ITPR1: variants seen among roughly 807,000 people sequenced by gnomAD.
ITPR1 encodes inositol 1,4,5-trisphosphate receptor type 1, also known as inositol 1,4,5-trisphosphate-gated calcium channel ITPR1.
ITPR1 carries 96 observed loss-of-function variants against 318.4 expected under a neutral mutation model. The ratio of observed to expected loss-of-function variants is 0.30; its 90% CI spans 0.26 to 0.36. The LOEUF is 0.36. Among genes scored for constraint, ITPR1 ranks in the 10% least tolerant of loss-of-function variants. The pLI is 1.00. For missense variants in ITPR1, 2,440 were observed against 3,460.2 expected (o/e 0.71, Z 7.40); for synonymous variants, 1,312 against 1,289.9 (o/e 1.02, Z -0.37).
chr3:4,607,919 T>C (rs1041357572), intron 4 of ITPR1, among the ~76,000 whole-genome samples: 2 of 152,136 alleles, frequency 1.3e-5, no homozygotes, highest in Admixed American at 6.5e-5. Flanking sequence ...TGGCTGCCAA[T>C]TGATTATGTC....
intron 4 of ITPR1, among the ~76,000 whole-genome samples, chr3:4,541,183 A>G (rs1489116564): frequency 4.6e-5 from 7 of 152,206 alleles, no homozygotes; most frequent in African/African-American, 1.7e-4. Flanking sequence ...GTCATTAAAA[A>G]AATTAACTTA....
chr3:4,723,841 A>G (rs2042327563), intron 40 of ITPR1, among the ~76,000 whole-genome samples: 1 of 152,048 alleles, frequency 6.6e-6, no homozygotes, highest in Non-Finnish European at 1.5e-5. Flanking sequence ...GTAGAATATA[A>G]TACTTCTGTC....
intron 4 of ITPR1, among the ~76,000 whole-genome samples, chr3:4,606,788 G>T (rs2091736754): frequency 6.6e-6 from 1 of 152,092 alleles, no homozygotes; most frequent in African/African-American, 2.4e-5. Flanking sequence ...CAGCTTTCAG[G>T]TTAATTTTTT....
intron 60 of ITPR1, among the ~76,000 whole-genome samples, chr3:4,835,104 C>A (rs1178852678): frequency 6.6e-6 from 1 of 152,158 alleles, no homozygotes; most frequent in Non-Finnish European, 1.5e-5. Flanking sequence ...AAACTAGTGA[C>A]TGTGACCCTG....
intron 4 of ITPR1, among the ~76,000 whole-genome samples, chr3:4,525,321 G>A (rs2124937759): frequency 6.6e-6 from 1 of 152,320 alleles, no homozygotes; most frequent in Middle Eastern, 3.4e-3. Context: ...GTGAGTGGTT[G>A]CTGTTAATTT....
chr3:4,529,148 C>G (rs2083215816), intron 4 of ITPR1, among the ~76,000 whole-genome samples: 1 of 152,164 alleles, frequency 6.6e-6, no homozygotes, highest in Non-Finnish European at 1.5e-5. Context: ...CTTTGATGCC[C>G]TGGATCCATT....
chr3:4,565,548 G>A (rs1046854821), intron 4 of ITPR1, among the ~76,000 whole-genome samples: 2 of 152,164 alleles, frequency 1.3e-5, no homozygotes, highest in African/African-American at 4.8e-5. Context: ...TTGCCTCCTA[G>A]TGCCAAGAAA....
At position 4,800,717 on chromosome 3, in the gene ITPR1, C is replaced by T. The variant is rs1489742095; in HGVS notation, c.7107+117C>T. 1.3e-5 allele frequency: 14 copies of T among 1,089,186 alleles called. No homozygotes were observed. The East Asian group carries it at 3.1e-4, about 24-fold the overall frequency. The allele number at this position is 1,089,186 out of a possible 1,614,324, so 67.5% of individuals were successfully genotyped here. A position where few individuals can be genotyped will look rare whatever the true frequency, so the allele number is the denominator to read the frequency against. ...CAGTCCAGAAAATTATTGTTTGGGG[C>T]AACTGTTTAAATAGCCAGAAGCAGG... On this transcript the variant is annotated intron_variant, in intron 54 of 61. Coordinates refer to ENST00000649015, the MANE Select transcript of ITPR1 (RefSeq NM_001378452.1).
rs191463819 is a variant in ITPR1, at chr3:4,817,007, A to G, written c.7868-1075A>G. Among the ~76,000 whole-genome samples, 21 of 151,900 alleles carry G rather than the reference A, an allele frequency of 1.4e-4. No homozygotes were observed. In the East Asian group the frequency reaches 3.9e-3, roughly 28 times the overall value. ...TAACTACATGGACTTGTGGATTTTT[A>G]TTTTATTCAATGGGCTATTTATTTT... On this transcript the variant is annotated intron_variant, in intron 59 of 61. Transcript: ENST00000649015.
intron 41 of ITPR1, 99 bp from the exon 42 acceptor site, chr3:4,727,027 T>TATA: frequency 1.0e-6 from 1 of 971,018 alleles, no homozygotes; most frequent in East Asian, 2.5e-5. Flanking sequence ...AACTCTTGTC[T>TATA]ATATATGAAC....
rs1020810499 is a variant in ITPR1, at chr3:4,704,412, C to G, written c.4657+1462C>G. ...GGGCGACAGGAGCGCAACTCTGTCT[C>G]AAAAAAACAAAAAAATCCCTACCTG... On this transcript the variant is annotated intron_variant, in intron 36 of 61. Transcript: ENST00000649015. 8.5e-5 allele frequency among the ~76,000 whole-genome samples: 13 copies of G among 152,050 alleles called. No homozygotes were observed. The South Asian group carries it at 2.5e-3, about 29-fold the overall frequency.
intron 4 of ITPR1, among the ~76,000 whole-genome samples, chr3:4,533,137 T>C (rs2083555651): frequency 6.6e-6 from 1 of 152,130 alleles, no homozygotes; most frequent in Non-Finnish European, 1.5e-5. Context: ...GACAAGAAAC[T>C]CTCTGGAAAC....
chr3:4,714,999 G>T (rs1436910302), intron 39 of ITPR1, among the ~76,000 whole-genome samples: 2 of 152,206 alleles, frequency 1.3e-5, no homozygotes, highest in Admixed American at 1.3e-4. Context: ...CTCTTGTCAT[G>T]TGCTAGCCAC....
At position 4,670,762 on chromosome 3, in the gene ITPR1, C is replaced by G. The variant is rs749053836; in HGVS notation, c.2040C>G (p.Val680=). The change falls in exon 20 of 62, where the codon GTC becomes GTG. Residue 680 remains valine, a synonymous_variant. Transcript: ENST00000649015. The part of the protein sequence containing the change: ...LVLSRFEFEG[V]SSTGENALEA... ...TTTCTCGTTTTGAATTTGAAGGTGT[C>G]TCTTCCACTGGAGAGAATGCTCTGG... is the stretch of plus-strand genomic sequence containing the variant. 6.2e-7 allele frequency: 1 copy of G among 1,602,438 alleles called. No individual in the cohort carries two copies. The highest frequency in any genetic ancestry group is 8.5e-7 in the Non-Finnish European group (1 of 1,174,018).
chr3:4,753,038 A>G (rs114713260), intron 44 of ITPR1, among the ~76,000 whole-genome samples: 2,175 of 152,284 alleles, frequency 0.014, 40 homozygotes, highest in African/African-American at 0.05. Flanking sequence ...CTGGGGAGAT[A>G]CCGTTCAAGC....
intron 23 of ITPR1, among the ~76,000 whole-genome samples, chr3:4,676,325 A>G (rs2094184617): frequency 6.6e-6 from 1 of 152,188 alleles, no homozygotes; most frequent in Non-Finnish European, 1.5e-5. Flanking sequence ...AGCCTAGGTG[A>G]TAGAGGAAGA....
intron 4 of ITPR1, among the ~76,000 whole-genome samples, chr3:4,609,073 TATATATATATATATATAC>T (rs1205005996): frequency 1.1e-5 from 1 of 94,710 alleles, no homozygotes; most frequent in African/African-American, 4.1e-5. Context: ...TATATATATA[TATATATATATATATATAC>T]ACACACACGT....
At chr3:4,668,650 T>C (rs770658477) in intron 18 of ITPR1, among the ~76,000 whole-genome samples, 4 of 152,142 alleles carry the variant, frequency 2.6e-5, no homozygotes, top group Non-Finnish European at 5.9e-5. Flanking sequence ...GTGTTTTTAA[T>C]AGAGACGGGG....
intron 16 of ITPR1, among the ~76,000 whole-genome samples, chr3:4,663,901 A>G (rs1287821675): frequency 1.3e-5 from 2 of 152,162 alleles, no homozygotes; most frequent in Non-Finnish European, 2.9e-5. Context: ...GGAATCAAAC[A>G]GTATGTACCC....
Sources: allele counts gnomAD v4.1 joint callset (sites outside exome capture counted in the v4.1 genomes callset), GRCh38; gene constraint gnomAD v4.1.1; transcripts MANE v1.5; gene names NCBI Gene and HGNC (gene_info 2026-07-23, HGNC 2026-07-21).